The following DIS3L2 variants were observed in gnomAD, a reference collection of about 807,000 sequenced individuals.
DIS3L2 encodes the protein DIS3-like exonuclease 2.
A neutral mutation model predicts 97.5 loss-of-function variants in DIS3L2; 34 were observed. The ratio of observed to expected loss-of-function variants is 0.35; its 90% CI spans 0.27 to 0.46. DIS3L2 has a LOEUF of 0.46. DIS3L2 is among the 20% of genes least tolerant of loss of function. The pLI is 1.00. For synonymous variants in DIS3L2, 435 were observed against 445.2 expected (o/e 0.98, Z 0.29); for missense variants, 1,038 against 1,146.0 (o/e 0.91, Z 1.36).
chr2:232,228,768 A>G (rs1692713762), intron 10 of DIS3L2, among the ~76,000 whole-genome samples: 1 of 152,108 alleles, frequency 6.6e-6, no homozygotes, highest in South Asian at 2.1e-4. Flanking sequence ...AAAATCCAAG[A>G]CTCTTTACCA....
chr2:231,993,887 TAAC>T (rs1433430876), intron 1 of DIS3L2, among the ~76,000 whole-genome samples: 3 of 151,694 alleles, frequency 2.0e-5, no homozygotes, highest in African/African-American at 7.3e-5. Context: ...ATGAAAAAAA[TAAC>T]AATTTATCTT....
rs1695139287 is a variant in DIS3L2, at chr2:232,311,685, G to A, written c.1739+11566G>A. Among the ~76,000 whole-genome samples the A allele has an allele frequency of 2.0e-5, 3 of 152,162 alleles. 1 individual carries two copies. In the South Asian group the frequency reaches 6.2e-4, roughly 31 times the overall value. ...CTAACACTGTAGATTGGTTGTGCCT[G>A]GCTTTGAACTTCATATAAATGGAAT... On this transcript the variant is annotated intron_variant, in intron 14 of 20. Transcript: ENST00000325385.
downstream of DIS3L2, chr2:232,340,983 G>A (rs1696090872): frequency 2.1e-6 from 1 of 467,332 alleles, no homozygotes; most frequent in Non-Finnish European, 4.4e-6. Context: ...CTGGAGGTGA[G>A]AAAGCCATCG....
chr2:232,342,992 T>TG (rs1481249422), intron 13 of DIS3L2: 4 of 168,976 alleles, frequency 2.4e-5, no homozygotes, highest in African/African-American at 2.6e-5. Flanking sequence ...GGAGTCAGAG[T>TG]GGGGGGGCTG....
intron 1 of DIS3L2, among the ~76,000 whole-genome samples, chr2:231,981,006 C>T (rs1343329670): frequency 2.0e-5 from 3 of 151,910 alleles, no homozygotes; most frequent in African/African-American, 4.8e-5. Flanking sequence ...TGCAGTGGTG[C>T]GATCTCGGCT....
chr2:232,052,056 T>A (rs1695424673), intron 5 of DIS3L2, among the ~76,000 whole-genome samples: 1 of 151,660 alleles, frequency 6.6e-6, no homozygotes, highest in South Asian at 2.1e-4. Flanking sequence ...TGGAGTTTCC[T>A]TCTGTCACCC....
chr2:232,154,961 A>G (rs1690442208), intron 8 of DIS3L2, among the ~76,000 whole-genome samples: 1 of 129,734 alleles, frequency 7.7e-6, no homozygotes, highest in East Asian at 2.3e-4. Flanking sequence ...GAGTGACCCG[A>G]TTTTCCAGGT....
chr2:232,321,015 G>A (rs1265674322), intron 14 of DIS3L2, among the ~76,000 whole-genome samples: 1 of 152,182 alleles, frequency 6.6e-6, no homozygotes, highest in Admixed American at 6.5e-5. Context: ...TGGAGAAGGT[G>A]GGCTTGGGTG....
chr2:232,094,598 A>C (rs912205286), intron 6 of DIS3L2, among the ~76,000 whole-genome samples: 2 of 151,860 alleles, frequency 1.3e-5, no homozygotes, highest in Admixed American at 6.6e-5. Flanking sequence ...CGCACCTATA[A>C]ATCCCAGCTA....
chr2:232,295,338 A>AC (rs1469283629), intron 13 of DIS3L2, among the ~76,000 whole-genome samples: 2 of 151,770 alleles, frequency 1.3e-5, no homozygotes, highest in African/African-American at 4.9e-5. Context: ...TCAGGAAAGA[A>AC]CCTAAAAAAT....
intron 9 of DIS3L2, among the ~76,000 whole-genome samples, chr2:232,209,098 A>G (rs771058824): frequency 2.6e-5 from 4 of 152,240 alleles, no homozygotes; most frequent in Non-Finnish European, 4.4e-5. Context: ...AAGCTATTAC[A>G]GAATTGATGG....
At chr2:232,251,344 G>GA (rs1239759261) in intron 12 of DIS3L2, among the ~76,000 whole-genome samples, 3 of 151,780 alleles carry the variant, frequency 2.0e-5, no homozygotes, top group Non-Finnish European at 4.4e-5. Context: ...CATTTGGAGG[G>GA]AAAAAAAGAG....
intron 4 of DIS3L2, among the ~76,000 whole-genome samples, chr2:232,025,518 C>T (rs1694632597): frequency 1.3e-5 from 2 of 152,156 alleles, no homozygotes; most frequent in Admixed American, 6.6e-5. Flanking sequence ...GTATCACTGA[C>T]ATTCACATTA....
intron 13 of DIS3L2, among the ~76,000 whole-genome samples, chr2:232,275,779 TAGA>T (rs796883841): frequency 6.6e-4 from 100 of 152,302 alleles, no homozygotes; most frequent in African/African-American, 2.2e-3. Context: ...AAGACAAGGT[TAGA>T]ACATGGTCAC....
intron 13 of DIS3L2, among the ~76,000 whole-genome samples, chr2:232,295,654 T>C (rs1294132622): frequency 6.6e-6 from 1 of 152,190 alleles, no homozygotes; most frequent in East Asian, 1.9e-4. Context: ...ATTTCATGAA[T>C]CTTGCCTCTT....
rs1044926293 is a variant in DIS3L2 at position 232,154,787 on chromosome 2, C to A, written c.951-8672C>A. Among the ~76,000 whole-genome samples, 6 of 145,684 alleles carry A rather than the reference C, an allele frequency of 4.1e-5. No homozygotes were observed. In the South Asian group the frequency reaches 1.4e-3, roughly 33 times the overall value. On this transcript the variant is annotated intron_variant, in intron 8 of 20. Coordinates refer to ENST00000325385, the MANE Select transcript of DIS3L2 (RefSeq NM_152383.5). ...CTAAGCAAGCCTGGGCAATGGCGGG[C>A]GCCCCTCCCCCAGCCTCGTTGCCGC...
At chr2:232,329,512 GTGAAT>G (rs1695670301) in intron 14 of DIS3L2, 1 of 352,510 alleles carries the variant, frequency 2.8e-6, no homozygotes, top group Non-Finnish European at 5.1e-6. Flanking sequence ...GGCTGCTGCA[GTGAAT>G]TATTTAATAG....
intron 14 of DIS3L2, among the ~76,000 whole-genome samples, chr2:232,320,892 G>C (rs1370064146): frequency 1.3e-5 from 2 of 152,202 alleles, no homozygotes; most frequent in Non-Finnish European, 2.9e-5. Context: ...AGCCTCCAGA[G>C]AAGGACAGTC....
At chr2:232,255,035 T>G (rs1693521609) in intron 12 of DIS3L2, among the ~76,000 whole-genome samples, 1 of 152,154 alleles carries the variant, frequency 6.6e-6, no homozygotes, top group African/African-American at 2.4e-5. Flanking sequence ...TCAAGATGCA[T>G]GAAATGAGAG....
Sources: allele counts gnomAD v4.1 joint callset (sites outside exome capture counted in the v4.1 genomes callset), GRCh38; gene constraint gnomAD v4.1.1; transcripts MANE v1.5; gene names NCBI Gene and HGNC (gene_info 2026-07-23, HGNC 2026-07-21).